The following PTPRN2 variants were observed in gnomAD, a reference collection of about 807,000 sequenced individuals.
PTPRN2 encodes protein tyrosine phosphatase receptor type N2, also known as receptor-type tyrosine-protein phosphatase N2.
PTPRN2 carries 74 observed loss-of-function variants against 118.8 expected under a neutral mutation model. The observed-to-expected ratio is 0.62, with a 90% CI of 0.52 to 0.76. The LOEUF (loss-of-function observed/expected upper bound fraction) is 0.76. Ranked by LOEUF, PTPRN2 falls within the 30% of genes least tolerant of loss-of-function variation. The probability of loss-of-function intolerance (pLI) is 0.00; values close to 1 mark genes in which losing one functional copy is unlikely to be tolerated. For synonymous variants in PTPRN2, 641 were observed against 608.0 expected (o/e 1.05, Z -0.80); for missense variants, 1,481 against 1,394.4 (o/e 1.06, Z -0.99).
chr7:158,347,687 C>T (rs1052841948), intron 2 of PTPRN2, among the ~76,000 whole-genome samples: 7 of 148,358 alleles, frequency 4.7e-5, no homozygotes, highest in African/African-American at 1.7e-4. Context: ...CTATAGATTG[C>T]TCTAGGTAGT....
At chr7:157,625,553 T>C (rs191251434) in intron 14 of PTPRN2, among the ~76,000 whole-genome samples, 194 of 151,950 alleles carry the variant, frequency 1.3e-3, no homozygotes, top group African/African-American at 4.2e-3. Flanking sequence ...ATAAGAAAGA[T>C]ACAATGGACT....
chr7:158,366,548 G>A (rs542064729), intron 2 of PTPRN2, among the ~76,000 whole-genome samples: 3 of 152,220 alleles, frequency 2.0e-5, no homozygotes, highest in Admixed American at 6.5e-5. Context: ...ATGAGGAATC[G>A]CCATGGCAAC....
chr7:158,010,585 T>C (rs1311393744), intron 11 of PTPRN2, among the ~76,000 whole-genome samples: 1 of 152,160 alleles, frequency 6.6e-6, no homozygotes, highest in East Asian at 1.9e-4. Flanking sequence ...TGAGAAACTA[T>C]GGAAAAAAAT....
chr7:158,057,288 C>A (rs1809864036), intron 11 of PTPRN2, among the ~76,000 whole-genome samples: 1 of 152,190 alleles, frequency 6.6e-6, no homozygotes, highest in Non-Finnish European at 1.5e-5. Context: ...TCTGCTGTGC[C>A]CACAGGAAAC....
intron 2 of PTPRN2, among the ~76,000 whole-genome samples, chr7:158,366,623 C>A (rs143835122): frequency 6.6e-6 from 1 of 152,230 alleles, no homozygotes; most frequent in East Asian, 1.9e-4. Context: ...CTCCATCCAC[C>A]GAGACATACA....
rs1346444542 is a variant in PTPRN2 at position 157,632,642 on chromosome 7, G to A, written c.2197-11133C>T. Among the ~76,000 whole-genome samples, 1 of 152,126 alleles carries A rather than the reference G, an allele frequency of 6.6e-6. No homozygotes were observed. Among genetic ancestry groups the A allele is most frequent in the African/African-American group, 2.4e-5 (1 of 41,422 alleles). On this transcript the variant is annotated intron_variant, in intron 14 of 22. Transcript: ENST00000389418. This position sits in a 1 kb window ranked among gnomAD's most constrained non-coding sequence, Gnocchi z 4.3. ...CACCTGCAGAAAGACTAAGAAAGAA[G>A]CTGTTTAATAATGGGGATGATGACA...
At chr7:157,837,587 C>A (rs1402060343) in intron 12 of PTPRN2, among the ~76,000 whole-genome samples, 1 of 152,036 alleles carries the variant, frequency 6.6e-6, no homozygotes, top group Non-Finnish European at 1.5e-5. Flanking sequence ...GGCTTGACAG[C>A]CTCTGCTGGG....
At chr7:158,038,451 A>G (rs1808228953) in intron 11 of PTPRN2, among the ~76,000 whole-genome samples, 1 of 152,166 alleles carries the variant, frequency 6.6e-6, no homozygotes, top group African/African-American at 2.4e-5. Context: ...AAATATTTTT[A>G]TGAAATCACT....
At chr7:157,862,808 T>TGC (rs1810339959) in intron 12 of PTPRN2, 1 of 143,508 alleles carries the variant, frequency 7.0e-6, no homozygotes, top group African/African-American at 3.0e-5. Flanking sequence ...CCTGGTGGTG[T>TGC]GCGGGAAGCG....
intron 3 of PTPRN2, among the ~76,000 whole-genome samples, chr7:158,289,562 C>T (rs1799973678): frequency 6.6e-6 from 1 of 152,070 alleles, no homozygotes; most frequent in Non-Finnish European, 1.5e-5. Context: ...TTACTGTTTT[C>T]CTGATTTTAT....
At position 157,849,600 on chromosome 7, in the gene PTPRN2, T is replaced by C. The variant is rs77640063; in HGVS notation, c.1788+49073A>G. Among the ~76,000 whole-genome samples the C allele has an allele frequency of 2.8e-4, 42 of 152,346 alleles. No individual in the cohort carries two copies. The East Asian group carries it at 7.1e-3, about 26-fold the overall frequency. On this transcript the variant is annotated intron_variant, in intron 12 of 22. Transcript: ENST00000389418. ...AACAGAAAACTTCTGACAAGGTTGG[T>C]GTGAACACCTGAGGCTTTTCTTCCC... is the stretch of plus-strand genomic sequence containing the variant.
chr7:158,203,249 A>AAG (rs1826792727), intron 4 of PTPRN2, among the ~76,000 whole-genome samples: 1 of 143,056 alleles, frequency 7.0e-6, no homozygotes, highest in Non-Finnish European at 1.5e-5. Context: ...AAAAAAAAAA[A>AAG]AAGAAGAGGA....
rs762523018 is a variant in PTPRN2, at chr7:158,180,520, T to C, written c.549+11807A>G. Among the ~76,000 whole-genome samples the C allele has an allele frequency of 2.7e-4, 41 of 152,196 alleles. 1 individual carries two copies. The highest frequency in any genetic ancestry group is 4.7e-4 in the Non-Finnish European group (32 of 68,028). On this transcript the variant is annotated intron_variant, in intron 5 of 22. Transcript: ENST00000389418. ...TTTGATAGGAATTTCATTAAATCTG[T>C]AGATTGCTTTGGGCAGTGTGGGCAT...
chr7:157,613,305 T>C (rs1802502305), intron 15 of PTPRN2, among the ~76,000 whole-genome samples: 1 of 152,214 alleles, frequency 6.6e-6, no homozygotes, highest in African/African-American at 2.4e-5. Context: ...TTATTCCCAG[T>C]GCTGCTCTTC....
At chr7:157,561,979 CAG>C (rs1799215409) in intron 21 of PTPRN2, among the ~76,000 whole-genome samples, 1 of 152,110 alleles carries the variant, frequency 6.6e-6, no homozygotes, top group Non-Finnish European at 1.5e-5. Flanking sequence ...TGGCATCTGC[CAG>C]AGAAGGAATG....
At chr7:157,932,769 T>C (rs1799437351) in intron 11 of PTPRN2, among the ~76,000 whole-genome samples, 1 of 130,850 alleles carries the variant, frequency 7.6e-6, no homozygotes, top group African/African-American at 3.0e-5. Flanking sequence ...CACTCACAGT[T>C]TTAGAAGAGG....
chr7:157,873,700 G>A (rs1416220856), intron 12 of PTPRN2, among the ~76,000 whole-genome samples: 2 of 151,540 alleles, frequency 1.3e-5, no homozygotes, highest in Non-Finnish European at 2.9e-5. Flanking sequence ...GGGGCCGGGA[G>A]GAGAACGTAC....
In PTPRN2 at chr7:157,845,615, A is replaced by G. The variant is rs1009052958; in HGVS notation, c.1788+53058T>C. ...CCCAGGCAATGTTAAGGAGCATTGC[A>G]TGGAGGAGCCACTTGCAGATGCGGT... On this transcript the variant is annotated intron_variant, in intron 12 of 22. Coordinates refer to ENST00000389418, the MANE Select transcript of PTPRN2 (RefSeq NM_002847.5). The surrounding 1 kb of genome is among the most constrained non-coding windows in gnomAD (Gnocchi z 4.5). 5.3e-5 allele frequency among the ~76,000 whole-genome samples: 8 copies of G among 152,242 alleles called. No homozygotes were observed. The highest frequency in any genetic ancestry group is 1.0e-4 in the Non-Finnish European group (7 of 68,036).
chr7:158,441,915 T>C (rs1297110560), intron 2 of PTPRN2, among the ~76,000 whole-genome samples: 3 of 120,582 alleles, frequency 2.5e-5, no homozygotes, highest in Non-Finnish European at 5.4e-5. Context: ...GTGGTGGTGA[T>C]GGTGATAGTG....
Sources: gnomAD v4.1 joint callset for allele counts (sites outside exome capture counted in the v4.1 genomes callset) on GRCh38, gnomAD v4.1.1 for gene constraint, Gnocchi (gnomAD v3.1) non-coding constraint, MANE v1.5 for transcripts, NCBI Gene and HGNC (gene_info 2026-07-23, HGNC 2026-07-21) for gene names.